The following ATP5PB variants were observed in gnomAD, a reference collection of about 807,000 sequenced individuals.
ATP5PB encodes ATP synthase peripheral stalk subunit b, mitochondrial.
A neutral mutation model predicts 34.5 loss-of-function variants in ATP5PB; 21 were observed. The observed-to-expected ratio is 0.61, with a 90% CI of 0.43 to 0.88. The LOEUF is 0.88. Among genes scored for constraint, ATP5PB ranks in the 40% least tolerant of loss-of-function variants. The probability of loss-of-function intolerance (pLI) is 0.00; values close to 1 mark genes in which losing one functional copy is unlikely to be tolerated. For synonymous variants in ATP5PB, 108 were observed against 114.1 expected (o/e 0.95, Z 0.34); for missense variants, 293 against 317.4 (o/e 0.92, Z 0.58).
chr1:111,453,709 A>T (rs1653392936), intron 2 of ATP5PB, among the ~76,000 whole-genome samples: 1 of 152,218 alleles, frequency 6.6e-6, no homozygotes, highest in Non-Finnish European at 1.5e-5. Flanking sequence ...CTTACGTAGA[A>T]CTTTTCCATG....
In ATP5PB at chr1:111,462,207, C is replaced by CAGT. The variant is rs1167291965; in HGVS notation, c.*1216_*1218dup. 2 of 152,186 alleles carry CAGT rather than the reference C, an allele frequency of 1.3e-5. No homozygotes were observed. The highest frequency in any genetic ancestry group is 4.8e-5 in the African/African-American group (2 of 41,448). 9.4% of individuals were successfully genotyped at this position (152,186 alleles called of 1,614,324 possible). Reference sequence around the variant, plus strand: ...ACATAGAAGCAGCCCAATCGGCCATCAGTAGATGAATGGATAAGCAAAATG... The same window carrying CAGT: ...ACATAGAAGCAGCCCAATCGGCCATCAGTAGTAGATGAATGGATAAGCAAAATG... On this transcript the variant is annotated 3_prime_UTR_variant, in exon 7 of 7. Coordinates refer to ENST00000369722, the MANE Select transcript of ATP5PB (RefSeq NM_001688.5).
Position 111,461,096 on chromosome 1 carries a change from A to G in ATP5PB, c.*102A>G. On this transcript the variant is annotated 3_prime_UTR_variant, in exon 7 of 7. Coordinates refer to ENST00000369722, the MANE Select transcript of ATP5PB (RefSeq NM_001688.5). ...CTGTGTTGGTGTCTACTGAAGTTAT[A>G]GTTTACCCTTCCTAAAAATGAAAAG... The G allele has an allele frequency of 9.4e-7, 1 of 1,063,466 alleles. No homozygotes were observed. The highest frequency in any genetic ancestry group is 1.4e-6 in the Non-Finnish European group (1 of 723,240). The allele number at this position is 1,063,466 out of a possible 1,614,324, so 65.9% of individuals were successfully genotyped here. A position where few individuals can be genotyped will look rare whatever the true frequency, so the allele number is the denominator to read the frequency against.
intron 5 of ATP5PB, among the ~76,000 whole-genome samples, chr1:111,458,777 T>G (rs1653537174): frequency 1.3e-5 from 2 of 152,200 alleles, no homozygotes; most frequent in South Asian, 4.1e-4. Flanking sequence ...GAGCTTGGCC[T>G]TATGTAGCCT....
intron 6 of ATP5PB, 39 bp downstream of exon 6, chr1:111,459,675 A>G (rs1477400096): frequency 6.3e-7 from 1 of 1,589,730 alleles, no homozygotes; most frequent in Non-Finnish European, 8.6e-7. Context: ...TTGTACTGGT[A>G]TCTCTTAACA....
intron 2 of ATP5PB, among the ~76,000 whole-genome samples, chr1:111,452,805 G>C (rs962171295): frequency 2.0e-5 from 3 of 152,150 alleles, no homozygotes; most frequent in Admixed American, 2.0e-4. Flanking sequence ...CGGGGAGGGA[G>C]GGGCTACTGG....
rs1557802554 is a variant in ATP5PB at position 111,461,490 on chromosome 1, C to G, written c.*496C>G. The G allele has an allele frequency of 6.5e-6, 1 of 153,400 alleles. No individual in the cohort carries two copies. Among genetic ancestry groups the G allele is most frequent in the Non-Finnish European group, 1.5e-5 (1 of 68,810 alleles). 9.5% of individuals were successfully genotyped at this position (153,400 alleles called of 1,614,324 possible). A position where few individuals can be genotyped will look rare whatever the true frequency, so the allele number is the denominator to read the frequency against. On this transcript the variant is annotated 3_prime_UTR_variant, in exon 7 of 7. Transcript: ENST00000369722. ...GAGATATGTAAAGCTTTCTAGTACT[C>G]TTAAAATAACTAAATGGAGTATTAT...
intron 4 of ATP5PB, 62 bp downstream of exon 4, chr1:111,456,311 A>T: frequency 4.2e-6 from 6 of 1,442,908 alleles, no homozygotes; most frequent in Non-Finnish European, 5.6e-6. Flanking sequence ...TCATCTAGTG[A>T]TATTTTTGAT....
rs1653608777 is a variant in ATP5PB, at chr1:111,461,023, A to G, written c.*29A>G. 6.3e-7 allele frequency: 1 copy of G among 1,593,760 alleles called. No homozygotes were observed. The highest frequency in any genetic ancestry group is 1.7e-5 in the Admixed American group (1 of 59,866). On this transcript the variant is annotated 3_prime_UTR_variant, in exon 7 of 7. Transcript: ENST00000369722. The stretch of plus-strand genomic sequence containing the variant: ...TATCTATCCCAATTGAGACAGCTAG[A>G]AACAGTTGACTGACTAAATGGAAAC...
intron 5 of ATP5PB, 129 bp downstream of exon 5, chr1:111,456,884 G>A (rs1653489070): frequency 8.3e-7 from 1 of 1,199,922 alleles, no homozygotes; most frequent in African/African-American, 1.6e-5. Context: ...GATTTGTGTA[G>A]GAGTTGGCAT....
intron 2 of ATP5PB, among the ~76,000 whole-genome samples, chr1:111,451,942 C>A (rs1226445280): frequency 6.6e-6 from 1 of 151,966 alleles, no homozygotes; most frequent in African/African-American, 2.4e-5. Flanking sequence ...AAAAACAAAA[C>A]AACAAAAATT....
At chr1:111,452,306 G>A (rs1653355071) in intron 2 of ATP5PB, among the ~76,000 whole-genome samples, 1 of 152,094 alleles carries the variant, frequency 6.6e-6, no homozygotes, top group East Asian at 1.9e-4. Flanking sequence ...AGTGTCTCAC[G>A]CCTGTAATTT....
In ATP5PB at chr1:111,456,239, A is replaced by C; in HGVS notation, c.377A>C (p.Lys126Thr). The change falls in exon 4 of 7, where the codon AAA becomes ACA. Residue 126 changes from lysine to threonine, a missense_variant. Physicochemically the swap from Lys to Thr is moderately conservative, Grantham distance 78. Coordinates refer to ENST00000369722, the MANE Select transcript of ATP5PB (RefSeq NM_001688.5). ...CCCTTTGTTGCAGACTTTGCTGATA[A>C]ACTCAATGAGGTAAGAACCATAAAC... ...YGPFVADFAD[K>T]LNEQKLAQLE... 1 of 1,602,974 alleles carries C rather than the reference A, an allele frequency of 6.2e-7. No homozygotes were observed. Among genetic ancestry groups the C allele is most frequent in the Non-Finnish European group, 8.5e-7 (1 of 1,175,914 alleles).
chr1:111,451,136 C>T (rs2101754110), intron 2 of ATP5PB, among the ~76,000 whole-genome samples: 2 of 152,290 alleles, frequency 1.3e-5, no homozygotes, highest in African/African-American at 4.8e-5. Context: ...CAAGGCCTTC[C>T]AGAGCTCCCC....
intron 2 of ATP5PB, among the ~76,000 whole-genome samples, chr1:111,452,402 TAA>T (rs5777060): frequency 3.4e-4 from 51 of 149,982 alleles, no homozygotes; most frequent in Admixed American, 4.6e-4. Context: ...CTCCTAAAAA[TAA>T]AAAAAAAAAA....
In ATP5PB at chr1:111,454,241, A is replaced by G. The variant is rs769600505; in HGVS notation, c.108A>G (p.Thr36=). 6.2e-7 allele frequency: 1 copy of G among 1,605,354 alleles called. No individual in the cohort carries two copies. Among genetic ancestry groups the G allele is most frequent in the Non-Finnish European group, 8.5e-7 (1 of 1,177,392 alleles). The change falls in exon 3 of 7, where the codon ACA becomes ACG. Residue 36 remains threonine, a synonymous_variant. Coordinates refer to ENST00000369722, the MANE Select transcript of ATP5PB (RefSeq NM_001688.5). The part of the protein sequence containing the change: ...GVLQATRTFH[T]GQPHLVPVPP... Reference sequence around the variant, plus strand: ...TGCAGGCAACAAGGACCTTTCATACAGGGCAGCCACACCTTGTCCCTGTAC... The same window carrying G: ...TGCAGGCAACAAGGACCTTTCATACGGGGCAGCCACACCTTGTCCCTGTAC...
chr1:111,456,301 T>A, intron 4 of ATP5PB, 52 bp downstream of exon 4: 1 of 1,478,240 alleles, frequency 6.8e-7, no homozygotes, highest in Non-Finnish European at 9.1e-7. Flanking sequence ...AACATGAAGG[T>A]CATCTAGTGA....
chr1:111,451,539 GC>G (rs1653338905), intron 2 of ATP5PB, among the ~76,000 whole-genome samples: 2 of 152,122 alleles, frequency 1.3e-5, no homozygotes, highest in Admixed American at 6.5e-5. Context: ...TGTTACCGGT[GC>G]CTAGCATTAG....
intron 2 of ATP5PB, among the ~76,000 whole-genome samples, chr1:111,451,939 AAAC>A: frequency 6.6e-6 from 1 of 152,196 alleles, no homozygotes; most frequent in Middle Eastern, 3.4e-3. Context: ...GACAAAAACA[AAAC>A]AACAAAAATT....
At chr1:111,457,625 A>G (rs1375993935) in intron 5 of ATP5PB, among the ~76,000 whole-genome samples, 4 of 152,162 alleles carry the variant, frequency 2.6e-5, no homozygotes, top group African/African-American at 9.7e-5. Flanking sequence ...CAAGATACTA[A>G]GCATCTGAAA....
Sources: gnomAD v4.1 joint callset for allele counts (sites outside exome capture counted in the v4.1 genomes callset) on GRCh38, gnomAD v4.1.1 for gene constraint, MANE v1.5 for transcripts, NCBI Gene and HGNC (gene_info 2026-07-23, HGNC 2026-07-21) for gene names.